RNF150: variants seen among roughly 807,000 people sequenced by gnomAD.
The protein encoded by RNF150 is ring finger protein 150.
A neutral mutation model predicts 39.3 loss-of-function variants in RNF150; 24 were observed. The observed-to-expected ratio is 0.61, with a 90% confidence interval of 0.44 to 0.86. The LOEUF (loss-of-function observed/expected upper bound fraction) is 0.86, where lower values mean the gene tolerates loss of function less well. RNF150 is among the 40% of genes least tolerant of loss of function. The pLI, the probability that RNF150 is intolerant of heterozygous loss-of-function variation, is 0.00. For synonymous variants in RNF150, 255 were observed against 227.3 expected (o/e 1.12, Z -1.10); for missense variants, 502 against 587.8 (o/e 0.85, Z 1.51).
intron 1 of RNF150, among the ~76,000 whole-genome samples, chr4:141,019,667 T>C (rs1395193557): frequency 6.6e-6 from 1 of 152,206 alleles, no homozygotes; most frequent in African/African-American, 2.4e-5. Flanking sequence ...TGAAAACCTT[T>C]CCACATTTCC....
rs1435755360 is a variant in RNF150 at position 140,868,009 on chromosome 4, T to A, written c.*252A>T. ...TTTAGGAGCTTCTGAAGTGTATGTC[T>A]ACATGGACATAGGAGTGGAAATCAG... On this transcript the variant is annotated 3_prime_UTR_variant, in exon 7 of 7. Transcript: ENST00000515673. 1 of 416,884 alleles carries A rather than the reference T, an allele frequency of 2.4e-6. No individual in the cohort carries two copies. Among genetic ancestry groups the A allele is most frequent in the East Asian group, 3.9e-5 (1 of 25,534 alleles). 25.8% of individuals were successfully genotyped at this position (416,884 alleles called of 1,614,324 possible). A position where few individuals can be genotyped will look rare whatever the true frequency, so the allele number is the denominator to read the frequency against.
intron 6 of RNF150, among the ~76,000 whole-genome samples, chr4:140,879,815 T>C (rs1729306754): frequency 6.6e-6 from 1 of 152,034 alleles, no homozygotes; most frequent in Non-Finnish European, 1.5e-5. Context: ...CAAAATCCTG[T>C]CTCAAAAAGA....
chr4:140,962,108 GCA>G (rs146087812), intron 2 of RNF150, among the ~76,000 whole-genome samples: 59 of 146,822 alleles, frequency 4.0e-4, no homozygotes, highest in African/African-American at 1.1e-3. Context: ...ACACACGCGC[GCA>G]CACACACACA....
At chr4:140,885,221 G>C (rs1450208077) in intron 6 of RNF150, among the ~76,000 whole-genome samples, 1 of 124,316 alleles carries the variant, frequency 8.0e-6, no homozygotes, top group South Asian at 2.5e-4. Context: ...TTTTTTTTGA[G>C]ACAGAGGCTT....
chr4:140,968,695 A>G (rs753675854), intron 1 of RNF150, among the ~76,000 whole-genome samples: 4 of 151,768 alleles, frequency 2.6e-5, no homozygotes, highest in Non-Finnish European at 5.9e-5. Flanking sequence ...TTGGAGCAAA[A>G]GTACCATTTT....
Position 140,862,199 on chromosome 4 carries a change from GA to G in RNF150, c.*6061del, listed in dbSNP as rs1455408892. On this transcript the variant is annotated 3_prime_UTR_variant, in exon 7 of 7. Transcript: ENST00000515673. ...TTGAGATTAAGCGACCTTCTCTAAG[GA>G]TTTTTCTCCCTCACTGTGTTCAGAC... The G allele has an allele frequency of 6.6e-6, 1 of 152,162 alleles. No homozygotes were observed. Among genetic ancestry groups the G allele is most frequent in the Non-Finnish European group, 1.5e-5 (1 of 68,034 alleles). 9.4% of individuals were successfully genotyped at this position (152,162 alleles called of 1,614,324 possible).
intron 4 of RNF150, among the ~76,000 whole-genome samples, chr4:140,939,970 G>T (rs528961510): frequency 6.6e-6 from 1 of 152,248 alleles, no homozygotes; most frequent in Non-Finnish European, 1.5e-5. Context: ...CCTGGACTTT[G>T]CAATAGTCTC....
chr4:141,019,292 T>A (rs1735397601), intron 1 of RNF150, among the ~76,000 whole-genome samples: 1 of 151,918 alleles, frequency 6.6e-6, no homozygotes, highest in Admixed American at 6.6e-5. Flanking sequence ...TATCTTATAA[T>A]CATCAAGAAA....
At chr4:141,008,849 CCTT>C (rs139240206) in intron 1 of RNF150, among the ~76,000 whole-genome samples, 10 of 151,964 alleles carry the variant, frequency 6.6e-5, no homozygotes, top group South Asian at 4.2e-4. Flanking sequence ...TCTTCCTTCT[CCTT>C]CTTCTTCTTC....
rs550636143 is a variant in RNF150, at chr4:141,101,590, A to C, written c.484+30735T>G. Among the ~76,000 whole-genome samples the C allele has an allele frequency of 2.7e-3, 407 of 152,242 alleles. 1 individual carries two copies. The highest frequency in any genetic ancestry group is 9.5e-3 in the African/African-American group (396 of 41,546). On this transcript the variant is annotated intron_variant, in intron 1 of 6. Coordinates refer to ENST00000515673, the MANE Select transcript of RNF150 (RefSeq NM_020724.2). ...TAATAAATAGTACAATAAATACATA[A>C]ATCTGTAACATAGCTTTATTATTAT...
intron 1 of RNF150, among the ~76,000 whole-genome samples, chr4:141,122,269 A>G (rs1343356477): frequency 6.6e-6 from 1 of 152,220 alleles, no homozygotes; most frequent in Non-Finnish European, 1.5e-5. Context: ...ATCAGTAATC[A>G]TGATGATTCT....
In RNF150 at chr4:140,865,912, C is replaced by G. The variant is rs1728689552; in HGVS notation, c.*2349G>C. The G allele has an allele frequency of 6.6e-6, 1 of 152,214 alleles. No individual in the cohort carries two copies. Among genetic ancestry groups the G allele is most frequent in the Non-Finnish European group, 1.5e-5 (1 of 68,032 alleles). 9.4% of individuals were successfully genotyped at this position (152,214 alleles called of 1,614,324 possible). ...ATCCTTCTAATTCCACTGGACTAAA[C>G]TTAATACCAGTAATACTAAAATTTG... On this transcript the variant is annotated 3_prime_UTR_variant, in exon 7 of 7. Coordinates refer to ENST00000515673, the MANE Select transcript of RNF150 (RefSeq NM_020724.2).
intron 5 of RNF150, among the ~76,000 whole-genome samples, chr4:140,918,007 C>T (rs1730917774): frequency 6.6e-6 from 1 of 151,386 alleles, no homozygotes; most frequent in Non-Finnish European, 1.5e-5. Context: ...AACAAAGACA[C>T]AACATACCAG....
chr4:140,972,791 C>A (rs1733515839), intron 1 of RNF150, among the ~76,000 whole-genome samples: 1 of 152,122 alleles, frequency 6.6e-6, no homozygotes, highest in South Asian at 2.1e-4. Flanking sequence ...GGACTGAACT[C>A]ATTCCTGATT....
intron 1 of RNF150, among the ~76,000 whole-genome samples, chr4:141,188,080 G>A (rs1177739230): frequency 6.6e-6 from 1 of 152,172 alleles, no homozygotes; most frequent in Admixed American, 6.5e-5. Flanking sequence ...TGTCTGGAAA[G>A]GATTGTGTTT....
intron 4 of RNF150, among the ~76,000 whole-genome samples, chr4:140,939,524 C>T (rs1202243716): frequency 1.3e-5 from 2 of 151,534 alleles, no homozygotes; most frequent in African/African-American, 2.4e-5. Flanking sequence ...CTTCTGAGAC[C>T]GGGTTGTGAA....
At chr4:141,052,650 A>T (rs918288599) in intron 1 of RNF150, among the ~76,000 whole-genome samples, 1 of 152,200 alleles carries the variant, frequency 6.6e-6, no homozygotes, top group African/African-American at 2.4e-5. Context: ...TGCTGGGATT[A>T]TAAGTGTGAG....
intron 6 of RNF150, among the ~76,000 whole-genome samples, chr4:140,888,072 T>A (rs754193919): frequency 1.3e-5 from 2 of 152,214 alleles, no homozygotes; most frequent in Non-Finnish European, 2.9e-5. Flanking sequence ...AGAAGCCTGA[T>A]TAAAAACCTT....
At chr4:140,881,263 A>G (rs1470088097) in intron 6 of RNF150, among the ~76,000 whole-genome samples, 2 of 151,978 alleles carry the variant, frequency 1.3e-5, no homozygotes, top group African/African-American at 4.8e-5. Context: ...CCTGGGCTCA[A>G]GCCATCCTCA....
Sources: gnomAD v4.1 joint callset for allele counts (sites outside exome capture counted in the v4.1 genomes callset) on GRCh38, gnomAD v4.1.1 for gene constraint, MANE v1.5 for transcripts, NCBI Gene and HGNC (gene_info 2026-07-23, HGNC 2026-07-21) for gene names.